ZNF841: variants seen among roughly 807,000 people sequenced by gnomAD.
ZNF841 encodes zinc finger protein 841.
A neutral mutation model predicts 13.0 loss-of-function variants in ZNF841; 11 were observed. That is an observed-to-expected ratio of 0.85 (90% confidence interval 0.53 to 1.40). ZNF841 has a LOEUF of 1.40. ZNF841 is among the 40% of genes most tolerant of loss of function. The probability of loss-of-function intolerance (pLI) is 0.00; values close to 1 mark genes in which losing one functional copy is unlikely to be tolerated. For missense variants in ZNF841, 1,068 were observed against 1,139.5 expected, an observed-to-expected ratio of 0.94 and a Z score of 0.90; for synonymous variants, 369 against 381.6, an observed-to-expected ratio of 0.97 and a Z score of 0.38.
At chr19:52,091,081 C>A (rs963482568) in intron 2 of ZNF841, among the ~76,000 whole-genome samples, 7 of 152,140 alleles carry the variant, frequency 4.6e-5, no homozygotes, top group African/African-American at 1.4e-4. Context: ...GAGCCCCTGA[C>A]CCCTTCTTCC....
intron 4 of ZNF841, 30 bp from the exon 5 acceptor site, chr19:52,077,114 C>A: frequency 6.3e-7 from 1 of 1,588,228 alleles, no homozygotes; most frequent in Non-Finnish European, 8.6e-7. Context: ...TCAATATGAG[C>A]AGTGGGTGAG....
the ZNF841 span, among the ~76,000 whole-genome samples, chr19:52,059,370 A>AAAAAATAT: frequency 7.2e-5 from 5 of 69,646 alleles, no homozygotes; most frequent in African/African-American, 3.3e-4. Context: ...AAAAAAAAAA[A>AAAAAATAT]ATATATATAT....
chr19:52,070,269 A>T (rs551498110), intron 6 of ZNF841, among the ~76,000 whole-genome samples: 28 of 152,366 alleles, frequency 1.8e-4, no homozygotes, highest in Admixed American at 7.8e-4. Flanking sequence ...TATGTAACCC[A>T]CATGGACCTA....
Position 52,065,727 on chromosome 19 carries a change from T to A in ZNF841, c.2155A>T (p.Ser719Cys). 5 of 1,605,938 alleles carry A rather than the reference T, an allele frequency of 3.1e-6. No individual in the cohort carries two copies. The highest frequency in any genetic ancestry group is 3.4e-6 in the Non-Finnish European group (4 of 1,175,628). ...TGGTACACCAGACTTGTTTTATGACTAAAAGTTCTACCACATTCACTACAT... is the reference window on the plus strand; with the variant it reads ...TGGTACACCAGACTTGTTTTATGACAAAAAGTTCTACCACATTCACTACAT... ...HKCSECGRTF[S>C]HKTSLVYHQR... The change falls in exon 7 of 7, where the codon AGT becomes TGT. Residue 719 changes from serine (S) to cysteine (C), a missense_variant. Transcript: ENST00000594440.
At position 52,064,798 on chromosome 19, in the gene ZNF841, T is replaced by C. The variant is rs117555655; in HGVS notation, c.*309A>G. 4.1e-3 allele frequency: 750 copies of C among 182,224 alleles called. 45 individuals carry two copies. The East Asian group carries it at 0.091, about 22-fold the overall frequency. The allele number at this position is 182,224 out of a possible 1,614,324, so 11.3% of individuals were successfully genotyped here. ...ACCAGTACCCGCCACGAAGCCCAGC[T>C]AATTTTTGTATTTTTGGCAGAAACA... On this transcript the variant is annotated 3_prime_UTR_variant, in exon 7 of 7. Transcript: ENST00000594440.
chr19:52,076,268 A>C (rs1461818664), intron 5 of ZNF841, 96 bp from the exon 6 acceptor site: 5 of 1,418,006 alleles, frequency 3.5e-6, no homozygotes, highest in Non-Finnish European at 3.7e-6. Context: ...GAATCTACAA[A>C]ATATTTCACA....
chr19:52,076,024 G>T lies in ZNF841; in HGVS notation c.271+20C>A. On this transcript the variant is annotated intron_variant, in intron 6 of 6. Transcript: ENST00000594440. ...ACAATTTCATGGTACCGCTTCCATT[G>T]TGCCCATCTGAGCTCTTACCGGTGA... 6.4e-7 allele frequency: 1 copy of T among 1,551,680 alleles called. No individual in the cohort carries two copies. The highest frequency in any genetic ancestry group is 1.2e-5 in the South Asian group (1 of 84,050).
At chr19:52,085,955 A>T (rs1233150528) in intron 3 of ZNF841, among the ~76,000 whole-genome samples, 1 of 152,200 alleles carries the variant, frequency 6.6e-6, no homozygotes, top group East Asian at 1.9e-4. Context: ...TGTTTCAAAT[A>T]TATGCTGACA....
At position 52,065,555 on chromosome 19, in the gene ZNF841, T is replaced by C; in HGVS notation, c.2327A>G (p.Tyr776Cys). Residue 776 changes from tyrosine to cysteine, a missense_variant, in exon 7 of 7, where the codon TAT becomes TGT. Coordinates refer to ENST00000594440, the MANE Select transcript of ZNF841 (RefSeq NM_001136499.2). ...CCAATGACGTGCGAGGCCTGAGCGA[T>C]AACGGAAGACCTTGCCACATTCATT... Reference protein sequence around the residue: ...KCNECGKVFRYRSGLARHWSI... With the variant: ...KCNECGKVFRCRSGLARHWSI... 6.2e-7 allele frequency: 1 copy of C among 1,614,022 alleles called. No individual in the cohort carries two copies. Among genetic ancestry groups the C allele is most frequent in the Admixed American group, 1.7e-5 (1 of 59,990 alleles).
At chr19:52,073,974 C>T (rs1359501606) in intron 6 of ZNF841, among the ~76,000 whole-genome samples, 1 of 152,114 alleles carries the variant, frequency 6.6e-6, no homozygotes, top group African/African-American at 2.4e-5. Context: ...AAAAATTATG[C>T]TCAAGATATT....
At chr19:52,085,373 C>G (rs190073393) in intron 3 of ZNF841, among the ~76,000 whole-genome samples, 1 of 152,200 alleles carries the variant, frequency 6.6e-6, no homozygotes, top group South Asian at 2.1e-4. Context: ...TGCCTCAGCA[C>G]GCTAATGTGA....
chr19:52,095,344 C>T (rs1319780553), intron 1 of ZNF841, among the ~76,000 whole-genome samples: 2 of 152,088 alleles, frequency 1.3e-5, no homozygotes, highest in African/African-American at 2.4e-5. Flanking sequence ...AGGAGCCGGA[C>T]AGTGGGCGCT....
intron 3 of ZNF841, among the ~76,000 whole-genome samples, chr19:52,088,051 A>C (rs1385676589): frequency 6.6e-6 from 1 of 151,982 alleles, no homozygotes; most frequent in Non-Finnish European, 1.5e-5. Context: ...AAAAAAAAAA[A>C]AAAAACAAAG....
At chr19:52,089,057 A>T (rs1246740288) in intron 2 of ZNF841, 55 bp from the exon 3 acceptor site, 1 of 152,260 alleles carries the variant, frequency 6.6e-6, no homozygotes, top group African/African-American at 2.4e-5. Flanking sequence ...AGTAGGCACG[A>T]AAACAATGTA....
rs975235735 is a variant in ZNF841, at chr19:52,066,043, T to C, written c.1839A>G (p.Ser613=). ...CTCCGGTATGACTTCGCCTATGAAT[T>C]GAAAGGTTTCCACTGTCAATGAAGA... ...GKVFIDSGNL[S]IHRRSHTGEK... Residue 613 remains serine (S), a synonymous_variant, in exon 7 of 7, where the codon TCA becomes TCG. Transcript: ENST00000594440. 6 of 1,613,670 alleles carry C rather than the reference T, an allele frequency of 3.7e-6. No individual in the cohort carries two copies. Among genetic ancestry groups the C allele is most frequent in the Non-Finnish European group, 5.1e-6 (6 of 1,179,892 alleles).
At chr19:52,090,656 A>AAGG (rs1236218309) in intron 2 of ZNF841, among the ~76,000 whole-genome samples, 2 of 102,108 alleles carry the variant, frequency 2.0e-5, no homozygotes, top group East Asian at 2.9e-4. Flanking sequence ...GGAAGGAAGG[A>AAGG]AAGAAAGAAA....
downstream of ZNF841, among the ~76,000 whole-genome samples, chr19:52,060,516 C>T (rs150415421): frequency 9.2e-5 from 14 of 152,122 alleles, no homozygotes; most frequent in African/African-American, 3.1e-4. Context: ...TTTTCTGAGT[C>T]CTATTCCTTT....
chr19:52,090,654 G>GGAAGGAAGGAAGGAAGGAAGGAAA (rs1183196348), intron 2 of ZNF841, among the ~76,000 whole-genome samples: 7 of 84,654 alleles, frequency 8.3e-5, no homozygotes, highest in African/African-American at 4.2e-4. Flanking sequence ...AAGGAAGGAA[G>GGAAGGAAGGAAGGAAGGAAGGAAA]GAAAGAAAGA....
At chr19:52,082,538 T>G (rs183701620) in intron 4 of ZNF841, among the ~76,000 whole-genome samples, 2 of 152,332 alleles carry the variant, frequency 1.3e-5, no homozygotes, top group Admixed American at 1.3e-4. Context: ...GAGCCAGGCC[T>G]TCCAGAAGAT....
Sources: allele counts gnomAD v4.1 joint callset (sites outside exome capture counted in the v4.1 genomes callset), GRCh38; gene constraint gnomAD v4.1.1; transcripts MANE v1.5; gene names NCBI Gene and HGNC (gene_info 2026-07-23, HGNC 2026-07-21).